Variants in MAPK14 observed in about 807,000 individuals in gnomAD.
MAPK14 encodes the protein CSAID-binding protein.
In MAPK14, 16 loss-of-function variants were observed where a neutral mutation model predicts 49.6. The observed-to-expected ratio is 0.32, with a 90% CI of 0.22 to 0.49. The LOEUF is 0.49. Among genes scored for constraint, MAPK14 ranks in the 20% least tolerant of loss-of-function variants. MAPK14 has a pLI of 0.99. For missense variants in MAPK14, 200 were observed against 441.2 expected (o/e 0.45, Z 4.90); for synonymous variants, 142 against 158.0 (o/e 0.90, Z 0.76).
intron 1 of MAPK14, among the ~76,000 whole-genome samples, chr6:36,048,434 C>G (rs1763271002): frequency 6.6e-6 from 1 of 152,224 alleles, no homozygotes. Flanking sequence ...GCCCTGGCCT[C>G]CCAAAGTGCT....
At chr6:36,056,326 T>A (rs1437419457) in intron 2 of MAPK14, among the ~76,000 whole-genome samples, 1 of 152,224 alleles carries the variant, frequency 6.6e-6, no homozygotes, top group Non-Finnish European at 1.5e-5. Context: ...TGCTCAGTCT[T>A]GCTGTCAGTA....
intron 3 of MAPK14, among the ~76,000 whole-genome samples, chr6:36,071,411 T>A (rs945939843): frequency 2.0e-5 from 3 of 151,852 alleles, no homozygotes; most frequent in Non-Finnish European, 4.4e-5. Context: ...CAGTAATGAG[T>A]GGGTTAAGGC....
At chr6:36,040,418 A>G (rs1762921121) in intron 1 of MAPK14, among the ~76,000 whole-genome samples, 1 of 152,224 alleles carries the variant, frequency 6.6e-6, no homozygotes, top group Non-Finnish European at 1.5e-5. Flanking sequence ...ACTAGATGGG[A>G]TAACATGAAC....
chr6:36,071,407 T>C (rs1764269078), intron 3 of MAPK14, among the ~76,000 whole-genome samples: 1 of 152,122 alleles, frequency 6.6e-6, no homozygotes, highest in African/African-American at 2.4e-5. Flanking sequence ...AATACAGTAA[T>C]GAGTGGGTTA....
chr6:36,073,904 G>A (rs1301690161), intron 5 of MAPK14, 145 bp from the exon 6 acceptor site: 4 of 844,874 alleles, frequency 4.7e-6, no homozygotes, highest in Non-Finnish European at 7.7e-6. Context: ...AGGCTAACTT[G>A]GACTGGATAT....
chr6:36,069,941 A>C (rs925610390), intron 3 of MAPK14, among the ~76,000 whole-genome samples: 6 of 152,204 alleles, frequency 3.9e-5, no homozygotes, highest in African/African-American at 1.4e-4. Flanking sequence ...TATTTAGAAA[A>C]GTTCAAAGAA....
intron 3 of MAPK14, among the ~76,000 whole-genome samples, chr6:36,065,229 A>G (rs916251401): frequency 6.6e-6 from 1 of 152,216 alleles, no homozygotes. Flanking sequence ...GCTGTGTTCA[A>G]GCACGGAGTT....
chr6:36,095,675 G>A (rs1276672628), intron 8 of MAPK14, among the ~76,000 whole-genome samples: 1 of 152,234 alleles, frequency 6.6e-6, no homozygotes, highest in Non-Finnish European at 1.5e-5. Context: ...TTCACCTGCT[G>A]TCTTTGGCAG....
chr6:36,075,758 C>T, intron 6 of MAPK14, 90 bp from the exon 7 acceptor site: 1 of 1,567,428 alleles, frequency 6.4e-7, no homozygotes, highest in South Asian at 1.1e-5. Context: ...AATAAGGCAA[C>T]AGAGGTTTGT....
intron 9 of MAPK14, chr6:36,097,629 T>TCTCTTC (rs1765488705): frequency 6.6e-6 from 1 of 152,170 alleles, no homozygotes; most frequent in Admixed American, 6.5e-5. Context: ...TTCTTAGTCT[T>TCTCTTC]CTCTTCCATC....
chr6:36,067,321 T>TAG (rs1764098761), intron 3 of MAPK14, among the ~76,000 whole-genome samples: 1 of 152,184 alleles, frequency 6.6e-6, no homozygotes, highest in Non-Finnish European at 1.5e-5. Context: ...CTCTCCTGTG[T>TAG]GTTCTCCATC....
At chr6:36,088,038 A>G (rs925507011) in intron 8 of MAPK14, among the ~76,000 whole-genome samples, 3 of 152,246 alleles carry the variant, frequency 2.0e-5, no homozygotes, top group African/African-American at 7.2e-5. Context: ...AGGATTCCCT[A>G]TTTAATAAAT....
At chr6:36,056,925 T>G (rs2127422493) in intron 2 of MAPK14, among the ~76,000 whole-genome samples, 1 of 152,216 alleles carries the variant, frequency 6.6e-6, no homozygotes, top group South Asian at 2.1e-4. Context: ...TATACCAAAC[T>G]CAAGGGAAAC....
At chr6:36,104,577 C>T (rs370335474) in intron 10 of MAPK14, among the ~76,000 whole-genome samples, 23 of 152,136 alleles carry the variant, frequency 1.5e-4, no homozygotes, top group African/African-American at 4.6e-4. Context: ...TTAGTAAAGA[C>T]GGGGTTTCAC....
chr6:36,029,924 TATATA>T (rs1762473189), intron 1 of MAPK14, among the ~76,000 whole-genome samples: 1 of 151,458 alleles, frequency 6.6e-6, no homozygotes, highest in African/African-American at 2.4e-5. Context: ...ATATACATAT[TATATA>T]GGTATATACA....
chr6:36,092,362 C>T, intron 8 of MAPK14: 1 of 656,436 alleles, frequency 1.5e-6, no homozygotes, highest in African/African-American at 1.8e-5. Context: ...TATGAGTTCC[C>T]TGCAGGGAAC....
At chr6:36,059,978 C>T (rs1254768877) in intron 3 of MAPK14, among the ~76,000 whole-genome samples, 1 of 152,174 alleles carries the variant, frequency 6.6e-6, no homozygotes, top group Non-Finnish European at 1.5e-5. Flanking sequence ...GCAGACTCTA[C>T]CTGTTGAGAA....
Position 36,052,845 on chromosome 6 carries a change from A to G in MAPK14, c.246+17A>G. 1 of 1,597,656 alleles carries G rather than the reference A, an allele frequency of 6.3e-7. No individual in the cohort carries two copies. The highest frequency in any genetic ancestry group is 1.1e-5 in the South Asian group (1 of 88,982). ...CATGAAAATGTAAGTTATTCATTCAAGGAAGAATACATTTTGATCTTGAAT... is the reference window on the plus strand; with the variant it reads ...CATGAAAATGTAAGTTATTCATTCAGGGAAGAATACATTTTGATCTTGAAT... On this transcript the variant is annotated intron_variant, in intron 2 of 11. Coordinates refer to ENST00000229794, the MANE Select transcript of MAPK14 (RefSeq NM_139012.3).
intron 1 of MAPK14, among the ~76,000 whole-genome samples, chr6:36,050,477 C>T (rs1012021329): frequency 2.0e-5 from 3 of 152,122 alleles, no homozygotes; most frequent in Admixed American, 6.5e-5. Flanking sequence ...ATGAAGATGG[C>T]TGGGTGTGGT....
Sources: allele counts gnomAD v4.1 joint callset (sites outside exome capture counted in the v4.1 genomes callset), GRCh38; gene constraint gnomAD v4.1.1; transcripts MANE v1.5; gene names NCBI Gene and HGNC (gene_info 2026-07-23, HGNC 2026-07-21).